Variants in CLCNKA observed in about 807,000 individuals in gnomAD.
CLCNKA encodes the protein chloride channel protein ClC-Ka.
CLCNKA carries 66 observed loss-of-function variants against 83.3 expected under a neutral mutation model. The ratio of observed to expected loss-of-function variants is 0.79; its 90% CI spans 0.65 to 0.97. CLCNKA has a LOEUF of 0.97. Among genes scored for constraint, CLCNKA ranks in the 50% least tolerant of loss-of-function variants. The probability of loss-of-function intolerance (pLI) is 0.00; values close to 1 mark genes in which losing one functional copy is unlikely to be tolerated. For missense variants in CLCNKA, 806 were observed against 888.7 expected (o/e 0.91, Z 1.18); for synonymous variants, 357 against 370.4 (o/e 0.96, Z 0.42).
rs192029025 is a variant in CLCNKA, at chr1:16,027,107, T to C, written c.656-203T>C. Reference sequence around the variant, plus strand: ...ACCCGATAGGGAGAGGGCGCACACCTGCATTCCAGGCTGGATGGATCCCTG... The same window carrying C: ...ACCCGATAGGGAGAGGGCGCACACCCGCATTCCAGGCTGGATGGATCCCTG... On this transcript the variant is annotated intron_variant, in intron 7 of 19. Coordinates refer to ENST00000331433, the MANE Select transcript of CLCNKA (RefSeq NM_004070.4). Among the ~76,000 whole-genome samples, 46 of 152,320 alleles carry C rather than the reference T, an allele frequency of 3.0e-4. No individual in the cohort carries two copies. The East Asian group carries it at 8.7e-3, about 29-fold the overall frequency.
chr1:16,023,978 G>A (rs549336775), intron 3 of CLCNKA, 50 bp downstream of exon 3: 13 of 1,610,578 alleles, frequency 8.1e-6, no homozygotes, highest in African/African-American at 1.3e-5. Flanking sequence ...TTCTAGGCAC[G>A]CTCTGGGGAT....
chr1:16,025,903 C>T (rs1458661051), intron 4 of CLCNKA, among the ~76,000 whole-genome samples: 2 of 152,110 alleles, frequency 1.3e-5, no homozygotes, highest in Non-Finnish European at 2.9e-5. Flanking sequence ...TGCAGGCACC[C>T]GCCACCATGC....
chr1:16,030,285 C>T (rs1570309357), intron 14 of CLCNKA, among the ~76,000 whole-genome samples, 176 bp from the exon 15 acceptor site: 1 of 152,322 alleles, frequency 6.6e-6, no homozygotes. Flanking sequence ...TGCGGCCTCC[C>T]TTATCCCTCT....
At chr1:16,026,463 G>T in intron 5 of CLCNKA, 73 bp from the exon 6 acceptor site, 1 of 1,595,130 alleles carries the variant, frequency 6.3e-7, no homozygotes, top group African/African-American at 1.3e-5. Flanking sequence ...AGGGGGTGTG[G>T]TGGGGAAGCC....
In CLCNKA at chr1:16,032,430, TC is replaced by T; in HGVS notation, c.1846-9del. On this transcript the variant is annotated splice_polypyrimidine_tract_variant and intron_variant, in intron 17 of 19. Coordinates refer to ENST00000331433, the MANE Select transcript of CLCNKA (RefSeq NM_004070.4). ...AGGCCGGCCCTGCACCCATAACTCT[TC>T]CCCACTCCCAGCAGTGTCTCCAGGA... The T allele has an allele frequency of 6.2e-7, 1 of 1,609,102 alleles. No homozygotes were observed. Among genetic ancestry groups the T allele is most frequent in the Non-Finnish European group, 8.5e-7 (1 of 1,176,266 alleles).
chr1:16,033,679 C>T lies in CLCNKA; in HGVS notation c.*21C>T, dbSNP rs769823441. The T allele has an allele frequency of 1.2e-5, 19 of 1,579,086 alleles. No homozygotes were observed. The highest frequency in any genetic ancestry group is 1.7e-5 in the Admixed American group (1 of 58,134). On this transcript the variant is annotated 3_prime_UTR_variant, in exon 20 of 20. Transcript: ENST00000331433. ...AGTGAGCCGGCCCAGCAAGATGAAACAGGGCACCCCAGCTGACCTGGTACT... is the reference window on the plus strand; with the variant it reads ...AGTGAGCCGGCCCAGCAAGATGAAATAGGGCACCCCAGCTGACCTGGTACT...
intron 4 of CLCNKA, 114 bp downstream of exon 4, chr1:16,025,005 T>G: frequency 7.0e-7 from 1 of 1,421,058 alleles, no homozygotes; most frequent in African/African-American, 1.4e-5. Context: ...CCCAGAAGAG[T>G]TATGTGGCTT....
intron 7 of CLCNKA, 179 bp downstream of exon 7, chr1:16,026,954 G>A: frequency 1.3e-6 from 1 of 768,636 alleles, no homozygotes; most frequent in East Asian, 2.7e-5. Context: ...GGGTGGTTGG[G>A]GGCGTGGTTG....
chr1:16,023,825 G>T lies in CLCNKA; in HGVS notation c.126G>T (p.Lys42Asn). ...GTGGCCTGGAGTGGCTAAAGCAGAA[G>T]GTGTTCCGCCTGGGAGAAGACTGGT... ...IQGGLEWLKQ[K>N]VFRLGEDWYF... Residue 42 changes from lysine (K) to asparagine (N), a missense_variant, in exon 3 of 20, where the codon AAG becomes AAT. Physicochemically the swap from Lys to Asn is moderately conservative, Grantham distance 94. Transcript: ENST00000331433. 6.2e-7 allele frequency: 1 copy of T among 1,614,200 alleles called. No individual in the cohort carries two copies. Among genetic ancestry groups the T allele is most frequent in the Non-Finnish European group, 8.5e-7 (1 of 1,180,024 alleles).
chr1:16,032,309 G>T lies in CLCNKA; in HGVS notation c.1845+18G>T. 1 of 1,572,752 alleles carries T rather than the reference G, an allele frequency of 6.4e-7. No homozygotes were observed. Among genetic ancestry groups the T allele is most frequent in the Non-Finnish European group, 8.7e-7 (1 of 1,144,630 alleles). On this transcript the variant is annotated intron_variant, in intron 17 of 19. Coordinates refer to ENST00000331433, the MANE Select transcript of CLCNKA (RefSeq NM_004070.4). ...GACACCAGGTGGTTACTCCTGAGGG[G>T]CGTGGGGATGGGGCGGGGGTGGGTC...
chr1:16,027,142 G>C (rs947869552), intron 7 of CLCNKA, among the ~76,000 whole-genome samples, 168 bp from the exon 8 acceptor site: 3 of 152,182 alleles, frequency 2.0e-5, no homozygotes, highest in Non-Finnish European at 1.5e-5. Flanking sequence ...GGGCAGCGGG[G>C]TCCTCCCCGC....
chr1:16,024,921 A>C (rs1435208524), intron 4 of CLCNKA, 30 bp downstream of exon 4: 1 of 1,613,538 alleles, frequency 6.2e-7, no homozygotes, highest in Non-Finnish European at 8.5e-7. Context: ...GCCAGTCCCC[A>C]GTGCCAAAAC....
At chr1:16,032,556 CA>C (rs1553125434) in intron 18 of CLCNKA, 30 bp downstream of exon 18, 1 of 1,560,158 alleles carries the variant, frequency 6.4e-7, no homozygotes, top group East Asian at 2.2e-5. Flanking sequence ...GTGACACACG[CA>C]GCCCCCGGGG....
intron 2 of CLCNKA, among the ~76,000 whole-genome samples, chr1:16,023,043 G>A (rs533577344): frequency 6.6e-6 from 1 of 152,238 alleles, no homozygotes; most frequent in Non-Finnish European, 1.5e-5. Flanking sequence ...ACAGCTGGGG[G>A]CACAGCAAGG....
chr1:16,033,643 G>A lies in CLCNKA; in HGVS notation c.2049G>A (p.Pro683=), dbSNP rs200499406. The change falls in exon 20 of 20, where the codon CCG becomes CCA. Residue 683 remains proline (P), a synonymous_variant. Transcript: ENST00000331433. ...MKKAISNLTN[P]PAPK is the part of the protein sequence containing the mutation. Reference sequence around the variant, plus strand: ...AAGCAATTTCCAACCTGACAAATCCGCCAGCTCCAAAGTGAGCCGGCCCAG... The same window carrying A: ...AAGCAATTTCCAACCTGACAAATCCACCAGCTCCAAAGTGAGCCGGCCCAG... 182 of 1,557,574 alleles carry A rather than the reference G, an allele frequency of 1.2e-4. No homozygotes were observed. The highest frequency in any genetic ancestry group is 1.7e-4 in the Middle Eastern group (1 of 5,740).
rs776021265 is a variant in CLCNKA at position 16,032,205 on chromosome 1, T to TC, written c.1762dup (p.Gln588ProfsTer19). On this transcript the variant is annotated frameshift_variant, in exon 17 of 20. Transcript: ENST00000331433. LOFTEE classifies it high-confidence loss of function. The stretch of plus-strand genomic sequence containing the variant: ...CCCTCTCCCTCTCTACTTGCCAGAG[T>TC]CCCAGATCCTGGTAGGCATCGTGCA... The TC allele has an allele frequency of 6.2e-7, 1 of 1,611,902 alleles. No homozygotes were observed. Among genetic ancestry groups the TC allele is most frequent in the South Asian group, 1.1e-5 (1 of 91,046 alleles).
chr1:16,032,648 C>T lies in CLCNKA; in HGVS notation c.1929+122C>T, dbSNP rs923511558. The T allele has an allele frequency of 6.4e-6, 5 of 782,712 alleles. No individual in the cohort carries two copies. In the African/African-American group the frequency reaches 6.7e-5, roughly 10 times the overall value. 48.5% of individuals were successfully genotyped at this position (782,712 alleles called of 1,614,324 possible). A position where few individuals can be genotyped will look rare whatever the true frequency, so the allele number is the denominator to read the frequency against. On this transcript the variant is annotated intron_variant, in intron 18 of 19. Transcript: ENST00000331433. ...CGCCCATCTTATCCTGCTTCCTGCTCCTCCTGGGCCTGGACAGGGCAGCTC... is the reference window on the plus strand; with the variant it reads ...CGCCCATCTTATCCTGCTTCCTGCTTCTCCTGGGCCTGGACAGGGCAGCTC...
chr1:16,029,159 G>A lies in CLCNKA; in HGVS notation c.1087G>A (p.Asp363Asn), dbSNP rs377505456. The A allele has an allele frequency of 1.9e-5, 31 of 1,612,194 alleles. No individual in the cohort carries two copies. The highest frequency in any genetic ancestry group is 4.4e-5 in the South Asian group (4 of 91,038). ...SMKQHLDSLFDNHSWALMTQN... is the reference protein window; with the variant it reads ...SMKQHLDSLFNNHSWALMTQN... ...GAAGCAGCATCTGGACTCGCTGTTC[G>A]ACAACCACTCCTGGGCGCTGATGAC... The change falls in exon 12 of 20, where the codon GAC becomes AAC. Residue 363 changes from aspartate to asparagine, a missense_variant. Transcript: ENST00000331433.
At position 16,022,693 on chromosome 1, in the gene CLCNKA, G is replaced by T. The variant is rs373577135; in HGVS notation, c.74G>T (p.Cys25Phe). 6.4e-7 allele frequency: 1 copy of T among 1,551,170 alleles called. No individual in the cohort carries two copies. Among genetic ancestry groups the T allele is most frequent in the South Asian group, 1.2e-5 (1 of 81,952 alleles). ...ACTCTGCAGGAGCTGTGGGGCCCCT[G>T]TCCCCACATCCGCCGAGCCATCCAA... ...PVTLQELWGP[C>F]PHIRRAIQGG... is the part of the protein sequence containing the mutation. Residue 25 changes from cysteine (C) to phenylalanine (F), a missense_variant, in exon 2 of 20, where the codon TGT becomes TTT. Coordinates refer to ENST00000331433, the MANE Select transcript of CLCNKA (RefSeq NM_004070.4).
Sources: allele counts gnomAD v4.1 joint callset (sites outside exome capture counted in the v4.1 genomes callset), GRCh38; gene constraint gnomAD v4.1.1; transcripts MANE v1.5; gene names NCBI Gene and HGNC (gene_info 2026-07-23, HGNC 2026-07-21).